Variants in C6 observed in about 807,000 individuals in gnomAD.
The protein encoded by C6 is complement C6.
A neutral mutation model predicts 112.9 loss-of-function variants in C6; 101 were observed. The ratio of observed to expected loss-of-function variants is 0.89; its 90% CI spans 0.76 to 1.06. The LOEUF is 1.06. Among genes scored for constraint, C6 ranks in the 50% least tolerant of loss-of-function variants. The pLI is 0.00. For synonymous variants in C6, 431 were observed against 384.1 expected, an observed-to-expected ratio of 1.12 and a Z score of -1.43; for missense variants, 1,202 against 1,104.6, an observed-to-expected ratio of 1.09 and a Z score of -1.25.
chr5:41,234,517 A>T (rs912341477), intron 1 of C6, among the ~76,000 whole-genome samples: 9 of 152,028 alleles, frequency 5.9e-5, no homozygotes, highest in African/African-American at 2.2e-4. Context: ...GAAAACAGAG[A>T]TTTAATCTAG....
rs749341762 is a variant in C6 at position 41,201,700 on chromosome 5, T to C, written c.158A>G (p.Asp53Gly). 18 of 1,613,484 alleles carry C rather than the reference T, an allele frequency of 1.1e-5. No individual in the cohort carries two copies. Among genetic ancestry groups the C allele is most frequent in the Non-Finnish European group, 1.5e-5 (18 of 1,179,674 alleles). The change falls in exon 3 of 18, where the codon GAT (aspartate) becomes GGT (glycine). Residue 53 changes from aspartate to glycine, a missense_variant. By Grantham distance (94) the Asp-to-Gly change is moderately conservative. Coordinates refer to ENST00000337836, the MANE Select transcript of C6 (RefSeq NM_000065.5). ...TQSRHRQIVV[D>G]KYYQENFCEQ... is the part of the protein sequence containing the mutation. ...ACAAAAGTTTTCCTGGTAGTACTTA[T>C]CTACTACTATTTGTCTGTAACCATG...
chr5:41,174,992 A>G (rs1417399326), intron 8 of C6, among the ~76,000 whole-genome samples: 1 of 152,238 alleles, frequency 6.6e-6, no homozygotes, highest in Non-Finnish European at 1.5e-5. Flanking sequence ...CAGATAAATT[A>G]TTCCATATAA....
At chr5:41,236,300 A>G (rs1740296752) in intron 1 of C6, among the ~76,000 whole-genome samples, 1 of 135,062 alleles carries the variant, frequency 7.4e-6, no homozygotes, top group Non-Finnish European at 1.6e-5. Context: ...ACATATGGCT[A>G]GCCAGTTTTC....
chr5:41,234,192 AC>A (rs1367196880), intron 1 of C6, among the ~76,000 whole-genome samples: 2 of 152,092 alleles, frequency 1.3e-5, no homozygotes, highest in Non-Finnish European at 2.9e-5. Context: ...AGTAGAAAAC[AC>A]TATGTAATTG....
At chr5:41,233,688 A>G (rs911224467) in intron 1 of C6, among the ~76,000 whole-genome samples, 1 of 152,072 alleles carries the variant, frequency 6.6e-6, no homozygotes, top group Non-Finnish European at 1.5e-5. Context: ...ACAAAAAAAT[A>G]ATTGTAGTTA....
chr5:41,230,499 A>G (rs969076158), intron 1 of C6, among the ~76,000 whole-genome samples: 1 of 152,078 alleles, frequency 6.6e-6, no homozygotes, highest in Non-Finnish European at 1.5e-5. Flanking sequence ...GCTTACTAGG[A>G]TTGGGAATTC....
chr5:41,231,722 A>T (rs1561193695), intron 1 of C6, among the ~76,000 whole-genome samples: 1 of 151,946 alleles, frequency 6.6e-6, no homozygotes, highest in African/African-American at 2.4e-5. Context: ...TGTGCCTATG[A>T]TTCTGTTTCT....
chr5:41,198,824 T>A (rs1342360996), intron 4 of C6, among the ~76,000 whole-genome samples: 5 of 152,150 alleles, frequency 3.3e-5, no homozygotes, highest in Non-Finnish European at 7.4e-5. Context: ...TTCAAATAGT[T>A]ATACTTCAGT....
chr5:41,205,466 C>A (rs1751361986), intron 1 of C6, among the ~76,000 whole-genome samples: 1 of 152,200 alleles, frequency 6.6e-6, no homozygotes, highest in African/African-American at 2.4e-5. Context: ...AATTCCCTTT[C>A]CTAGCCAAGG....
intron 13 of C6, among the ~76,000 whole-genome samples, chr5:41,158,261 G>C (rs1395782469): frequency 6.6e-6 from 1 of 152,114 alleles, no homozygotes; most frequent in Non-Finnish European, 1.5e-5. Flanking sequence ...AGTTCTACAG[G>C]TTTCTAACCT....
intron 1 of C6, among the ~76,000 whole-genome samples, chr5:41,228,869 A>G (rs1739696318): frequency 1.3e-5 from 2 of 152,180 alleles, no homozygotes; most frequent in South Asian, 4.1e-4. Flanking sequence ...CAGGTATTTT[A>G]TGGAAGGCTT....
intron 9 of C6, among the ~76,000 whole-genome samples, chr5:41,164,519 G>A (rs1027236064): frequency 3.3e-5 from 5 of 152,186 alleles, no homozygotes; most frequent in South Asian, 2.1e-4. Flanking sequence ...TGGATGTAAA[G>A]CCAAGGAAAT....
intron 1 of C6, among the ~76,000 whole-genome samples, chr5:41,235,581 G>T (rs1740244243): frequency 1.4e-5 from 2 of 143,460 alleles, no homozygotes; most frequent in Non-Finnish European, 3.0e-5. Context: ...TAGTCCTTTG[G>T]GTATATACTC....
Position 41,152,097 on chromosome 5 carries a change from A to C in C6, c.2290+1713T>G, listed in dbSNP as rs117117194. On this transcript the variant is annotated intron_variant, in intron 15 of 17. Transcript: ENST00000337836. ...AAAAAGAAAGAGAAAACAGATGTTA[A>C]TCAAGTAATTATAATAACGGATTTA... Among the ~76,000 whole-genome samples, 216 of 152,268 alleles carry C rather than the reference A, an allele frequency of 1.4e-3. 5 individuals are homozygous for C. In the East Asian group the frequency reaches 0.037, roughly 26 times the overall value.
intron 16 of C6, 78 bp downstream of exon 16, chr5:41,149,857 G>T: frequency 1.1e-6 from 1 of 928,362 alleles, no homozygotes; most frequent in African/African-American, 1.6e-5. Context: ...GCTTCAAAAA[G>T]CTCAGCTCTT....
chr5:41,208,076 A>C (rs1368327183), intron 1 of C6, among the ~76,000 whole-genome samples: 1 of 150,668 alleles, frequency 6.6e-6, no homozygotes, highest in Admixed American at 6.6e-5. Context: ...GAAACTCAAA[A>C]CGCTCAACTA....
Position 41,162,011 on chromosome 5 carries a change from A to T in C6, c.1292-152T>A, listed in dbSNP as rs1255331299. 2.0e-5 allele frequency: 14 copies of T among 694,454 alleles called. No individual in the cohort carries two copies. In the East Asian group the frequency reaches 3.6e-4, roughly 18 times the overall value. The allele number at this position is 694,454 out of a possible 1,614,324, so 43.0% of individuals were successfully genotyped here. A position where few individuals can be genotyped will look rare whatever the true frequency, so the allele number is the denominator to read the frequency against. ...AAGCTAAGTGAAAAAGCAAGAGAAC[A>T]CTCCTCCTCCCTGTAGGGAGTTTAA... On this transcript the variant is annotated intron_variant, in intron 9 of 17. Coordinates refer to ENST00000337836, the MANE Select transcript of C6 (RefSeq NM_000065.5).
intron 1 of C6, among the ~76,000 whole-genome samples, chr5:41,246,625 A>G (rs1020857326): frequency 6.6e-6 from 1 of 152,180 alleles, no homozygotes; most frequent in Non-Finnish European, 1.5e-5. Flanking sequence ...AAGCCTGGAG[A>G]TGCTGTGGGC....
chr5:41,184,723 C>T (rs540897785), intron 6 of C6, among the ~76,000 whole-genome samples: 4 of 152,252 alleles, frequency 2.6e-5, no homozygotes, highest in East Asian at 1.9e-4. Context: ...TCTGCACCCC[C>T]TTGGCCTCTC....
Sources: gnomAD v4.1 joint callset for allele counts (sites outside exome capture counted in the v4.1 genomes callset) on GRCh38, gnomAD v4.1.1 for gene constraint, MANE v1.5 for transcripts, NCBI Gene and HGNC (gene_info 2026-07-23, HGNC 2026-07-21) for gene names.